SLC2A13: variants seen among roughly 807,000 people sequenced by gnomAD.
SLC2A13 encodes the protein proton myo-inositol cotransporter.
A neutral mutation model predicts 64.4 loss-of-function variants in SLC2A13; 32 were observed. The ratio of observed to expected loss-of-function variants is 0.50; its 90% CI spans 0.37 to 0.67. The LOEUF is 0.67. SLC2A13 is among the 30% of genes least tolerant of loss of function. The pLI is 0.00. For synonymous variants in SLC2A13, 338 were observed against 327.1 expected (o/e 1.03, Z -0.36); for missense variants, 743 against 829.2 (o/e 0.90, Z 1.28).
intron 4 of SLC2A13, among the ~76,000 whole-genome samples, chr12:39,911,516 A>G (rs1257047132): frequency 6.6e-6 from 1 of 152,130 alleles, no homozygotes; most frequent in Admixed American, 6.5e-5. Context: ...GGGGAATCAT[A>G]AAAGGGGATT....
chr12:39,943,946 G>A (rs945297516), intron 4 of SLC2A13, among the ~76,000 whole-genome samples: 4 of 152,158 alleles, frequency 2.6e-5, no homozygotes, highest in African/African-American at 9.7e-5. Context: ...AGTGGCACCT[G>A]TAACACCAGC....
At chr12:39,948,991 GATAC>G (rs1946185160) in intron 4 of SLC2A13, among the ~76,000 whole-genome samples, 2 of 152,074 alleles carry the variant, frequency 1.3e-5, no homozygotes, top group African/African-American at 2.4e-5. Flanking sequence ...AATGGAAAAA[GATAC>G]ATACATATAC....
At chr12:39,852,511 A>G (rs1212606143) in intron 6 of SLC2A13, among the ~76,000 whole-genome samples, 2 of 152,358 alleles carry the variant, frequency 1.3e-5, no homozygotes, top group African/African-American at 4.8e-5. Flanking sequence ...AGAAGATAAC[A>G]AACCTGTGGC....
At chr12:39,959,962 T>C (rs1418127076) in intron 3 of SLC2A13, among the ~76,000 whole-genome samples, 19 of 152,204 alleles carry the variant, frequency 1.2e-4, no homozygotes. Flanking sequence ...CTATTTATCC[T>C]GATGCTCTCC....
At chr12:39,866,391 A>G (rs1943911886) in intron 5 of SLC2A13, among the ~76,000 whole-genome samples, 1 of 152,234 alleles carries the variant, frequency 6.6e-6, no homozygotes, top group East Asian at 1.9e-4. Context: ...CAACCTTTCC[A>G]TAATTCAATG....
intron 2 of SLC2A13, among the ~76,000 whole-genome samples, chr12:40,043,384 C>T (rs534728782): frequency 1.3e-5 from 2 of 152,226 alleles, no homozygotes; most frequent in East Asian, 3.9e-4. Flanking sequence ...AATCCCAGCA[C>T]TTTGGGAAAC....
At chr12:40,039,116 T>A in intron 2 of SLC2A13, among the ~76,000 whole-genome samples, 1 of 152,218 alleles carries the variant, frequency 6.6e-6, no homozygotes. Context: ...GAAGCTATCT[T>A]ATTAGATAAA....
chr12:39,860,593 C>T (rs796907806), intron 6 of SLC2A13, among the ~76,000 whole-genome samples: 44 of 152,302 alleles, frequency 2.9e-4, no homozygotes, highest in African/African-American at 9.4e-4. Flanking sequence ...CAAAATTGCA[C>T]GCATGGTCTT....
intron 6 of SLC2A13, among the ~76,000 whole-genome samples, chr12:39,843,699 C>G (rs187293966): frequency 6.6e-6 from 1 of 152,014 alleles, no homozygotes; most frequent in Non-Finnish European, 1.5e-5. Flanking sequence ...ATCTTGAAGC[C>G]TTGAAGTGAG....
chr12:39,917,596 CCTCT>C (rs992925292), intron 4 of SLC2A13, among the ~76,000 whole-genome samples: 4 of 152,104 alleles, frequency 2.6e-5, no homozygotes, highest in Admixed American at 1.3e-4. Context: ...AAATTTTGCC[CCTCT>C]TTTTTTCCTG....
chr12:40,045,177 T>G (rs1268824418), intron 2 of SLC2A13, among the ~76,000 whole-genome samples: 1 of 152,002 alleles, frequency 6.6e-6, no homozygotes, highest in Admixed American at 6.6e-5. Flanking sequence ...TATTAGAAAC[T>G]TGAGGTAGAG....
At chr12:39,861,224 C>T (rs964599387) in intron 6 of SLC2A13, among the ~76,000 whole-genome samples, 2 of 152,242 alleles carry the variant, frequency 1.3e-5, no homozygotes, top group Non-Finnish European at 2.9e-5. Flanking sequence ...TCTTCTATTA[C>T]AGGCTTTATT....
chr12:39,854,597 A>G (rs1943556142), intron 6 of SLC2A13, among the ~76,000 whole-genome samples: 1 of 152,174 alleles, frequency 6.6e-6, no homozygotes, highest in Non-Finnish European at 1.5e-5. Flanking sequence ...TGGGGCTGCC[A>G]GACTCTTCTC....
At chr12:39,778,538 GTTATA>G (rs770647477) in intron 7 of SLC2A13, among the ~76,000 whole-genome samples, 11 of 152,158 alleles carry the variant, frequency 7.2e-5, no homozygotes, top group Non-Finnish European at 1.5e-4. Context: ...CTCTTGATAA[GTTATA>G]TTATTAATTT....
At chr12:39,986,283 T>C (rs76113611) in intron 3 of SLC2A13, among the ~76,000 whole-genome samples, 2 of 152,102 alleles carry the variant, frequency 1.3e-5, no homozygotes, top group African/African-American at 4.8e-5. Flanking sequence ...ACACAAACAT[T>C]TGGACCATTG....
chr12:39,981,006 C>T (rs898604110), intron 3 of SLC2A13, among the ~76,000 whole-genome samples: 3 of 151,800 alleles, frequency 2.0e-5, no homozygotes, highest in African/African-American at 7.3e-5. Context: ...AACTAGAACT[C>T]AGGATTAAGA....
Position 40,100,969 on chromosome 12 carries a change from C to CAAAA in SLC2A13, c.556+4280_556+4283dup, listed in dbSNP as rs10633826. Among the ~76,000 whole-genome samples, 294 of 84,300 alleles carry CAAAA rather than the reference C, an allele frequency of 3.5e-3. 12 individuals are homozygous for CAAAA. Among genetic ancestry groups the CAAAA allele is most frequent in the African/African-American group, 6.5e-3 (132 of 20,342 alleles). 55.3% of individuals were successfully genotyped at this position (84,300 alleles called of 152,430 possible). A position where few individuals can be genotyped will look rare whatever the true frequency, so the allele number is the denominator to read the frequency against. ...GACAAGAGTGAAGTTCCATCTCAGA[C>CAAAA]AAAAAAAAAAAAAAAAAAAAAGATT... is the stretch of plus-strand genomic sequence containing the variant. On this transcript the variant is annotated intron_variant, in intron 1 of 9. Transcript: ENST00000280871.
At chr12:39,859,137 C>G (rs1448114791) in intron 6 of SLC2A13, among the ~76,000 whole-genome samples, 1 of 151,940 alleles carries the variant, frequency 6.6e-6, no homozygotes, top group East Asian at 1.9e-4. Flanking sequence ...ACAGATGAAG[C>G]CACAGTTTGT....
intron 7 of SLC2A13, among the ~76,000 whole-genome samples, chr12:39,772,919 G>A (rs936220031): frequency 5.3e-5 from 8 of 152,136 alleles, no homozygotes; most frequent in African/African-American, 1.9e-4. Flanking sequence ...GCACTAACTT[G>A]GCAGAGTTAC....
Sources: allele counts gnomAD v4.1 joint callset (sites outside exome capture counted in the v4.1 genomes callset), GRCh38; gene constraint gnomAD v4.1.1; transcripts MANE v1.5; gene names NCBI Gene and HGNC (gene_info 2026-07-23, HGNC 2026-07-21).